CADM2: variants seen among roughly 807,000 people sequenced by gnomAD.
CADM2 encodes the protein immunoglobulin superfamily member 4D.
A neutral mutation model predicts 49.8 loss-of-function variants in CADM2; 12 were observed. The observed-to-expected ratio is 0.24, with a 90% CI of 0.15 to 0.39. CADM2 has a LOEUF of 0.39. Among genes scored for constraint, CADM2 ranks in the 10% least tolerant of loss-of-function variants. CADM2 has a pLI of 1.00. For synonymous variants in CADM2, 214 were observed against 175.4 expected, an observed-to-expected ratio of 1.22 and a Z score of -1.74; for missense variants, 378 against 492.3, an observed-to-expected ratio of 0.77 and a Z score of 2.20.
chr3:84,982,702 C>CAT (rs71104999), intron 1 of CADM2, among the ~76,000 whole-genome samples: 7,826 of 75,946 alleles, frequency 0.1, 579 homozygotes, highest in East Asian at 0.23. Context: ...AACTATAAAG[C>CAT]ATATATATAT....
chr3:85,973,561 A>G (rs1357316027), intron 8 of CADM2, among the ~76,000 whole-genome samples: 2 of 151,702 alleles, frequency 1.3e-5, no homozygotes, highest in Non-Finnish European at 2.9e-5. Flanking sequence ...TCAATTTCCA[A>G]TCCCAGATTT....
intron 8 of CADM2, chr3:86,014,059 T>C: frequency 1.5e-6 from 2 of 1,319,128 alleles, no homozygotes; most frequent in East Asian, 2.3e-5. Flanking sequence ...ATTTCTGTTC[T>C]TTTTCACAAC....
intron 5 of CADM2, among the ~76,000 whole-genome samples, chr3:85,898,573 CTT>C (rs199547014): frequency 7.8e-4 from 111 of 142,348 alleles, no homozygotes; most frequent in African/African-American, 2.5e-3. Flanking sequence ...ACATATCTTT[CTT>C]TTTTTTTTTT....
chr3:84,966,974 G>T (rs1380087549), intron 1 of CADM2, among the ~76,000 whole-genome samples: 1 of 151,810 alleles, frequency 6.6e-6, no homozygotes, highest in Non-Finnish European at 1.5e-5. Flanking sequence ...ATCAAATAGT[G>T]CAAATAATTT....
intron 1 of CADM2, among the ~76,000 whole-genome samples, chr3:85,622,324 T>G (rs1384152377): frequency 6.6e-6 from 1 of 152,180 alleles, no homozygotes; most frequent in East Asian, 1.9e-4. Flanking sequence ...CTTAAAATTC[T>G]AATCCTGTTT....
intron 3 of CADM2, among the ~76,000 whole-genome samples, chr3:85,819,455 G>A (rs2073416492): frequency 6.6e-6 from 1 of 152,118 alleles, no homozygotes; most frequent in African/African-American, 2.4e-5. Flanking sequence ...GAAATTTACT[G>A]GGCTTTGTGA....
chr3:85,279,968 T>C (rs1227953663), intron 1 of CADM2, among the ~76,000 whole-genome samples: 4 of 151,698 alleles, frequency 2.6e-5, no homozygotes, highest in Admixed American at 2.6e-4. Flanking sequence ...AAACATTTTT[T>C]CCTATTCTGT....
At chr3:85,899,323 T>G (rs560592497) in intron 5 of CADM2, among the ~76,000 whole-genome samples, 172 of 152,190 alleles carry the variant, frequency 1.1e-3, no homozygotes, top group Non-Finnish European at 1.7e-3. Flanking sequence ...TGTGAGAAAT[T>G]TTTATCTAAC....
intron 8 of CADM2, among the ~76,000 whole-genome samples, chr3:86,030,774 T>C (rs963633756): frequency 4.6e-5 from 7 of 151,890 alleles, no homozygotes; most frequent in African/African-American, 9.7e-5. Flanking sequence ...CATAAATGAA[T>C]TGATAAATAA....
intron 1 of CADM2, among the ~76,000 whole-genome samples, chr3:85,038,352 A>C (rs1348342480): frequency 6.6e-6 from 1 of 152,244 alleles, no homozygotes; most frequent in African/African-American, 2.4e-5. Context: ...AAGTTAGCTT[A>C]GTTCACATCC....
chr3:85,940,496 C>T lies in CADM2; in HGVS notation c.791+4639C>T, dbSNP rs762118578. On this transcript the variant is annotated intron_variant, in intron 7 of 9. Transcript: ENST00000383699. ...CTACGAATCAAAGAAAGCAAGTTAT[C>T]ATCTAGAGTGAAATATTGTTTACCA... Among the ~76,000 whole-genome samples the T allele has an allele frequency of 1.1e-4, 16 of 152,018 alleles. 1 individual carries two copies. Among genetic ancestry groups the T allele is most frequent in the Non-Finnish European group, 1.5e-5 (1 of 68,006 alleles).
At chr3:85,517,082 A>G (rs994637229) in intron 1 of CADM2, among the ~76,000 whole-genome samples, 2 of 151,940 alleles carry the variant, frequency 1.3e-5, no homozygotes, top group Admixed American at 1.3e-4. Flanking sequence ...TTTTAAGCTT[A>G]AAAGAATAAT....
intron 1 of CADM2, among the ~76,000 whole-genome samples, chr3:85,247,472 T>C (rs2042676833): frequency 6.6e-6 from 1 of 152,180 alleles, no homozygotes. Flanking sequence ...AGTTTGTTCT[T>C]ACATTCAACA....
intron 1 of CADM2, among the ~76,000 whole-genome samples, chr3:85,340,923 C>T (rs1018941970): frequency 2.6e-5 from 4 of 151,660 alleles, no homozygotes; most frequent in African/African-American, 9.7e-5. Flanking sequence ...TCTTCAAACA[C>T]TCCCTCTATC....
intron 1 of CADM2, among the ~76,000 whole-genome samples, chr3:84,993,014 C>T (rs958398728): frequency 6.6e-6 from 1 of 151,902 alleles, no homozygotes; most frequent in African/African-American, 2.4e-5. Flanking sequence ...TCAGTGACTC[C>T]AATAATTTTA....
chr3:85,697,559 T>C (rs1454221846), intron 1 of CADM2, among the ~76,000 whole-genome samples: 1 of 152,200 alleles, frequency 6.6e-6, no homozygotes, highest in African/African-American at 2.4e-5. Context: ...TTTGTTGTAC[T>C]TCTTAAATGT....
At chr3:84,965,812 A>C (rs1278901928) in intron 1 of CADM2, among the ~76,000 whole-genome samples, 1 of 152,144 alleles carries the variant, frequency 6.6e-6, no homozygotes, top group Non-Finnish European at 1.5e-5. Flanking sequence ...ACAAAATAGG[A>C]GTTAACTGTT....
At chr3:85,678,516 T>C (rs2065947089) in intron 1 of CADM2, among the ~76,000 whole-genome samples, 1 of 152,172 alleles carries the variant, frequency 6.6e-6, no homozygotes, top group South Asian at 2.1e-4. Flanking sequence ...CTACATACGA[T>C]GTCAGATTGA....
intron 1 of CADM2, among the ~76,000 whole-genome samples, chr3:85,639,642 C>A (rs1376710429): frequency 1.3e-5 from 2 of 152,052 alleles, no homozygotes; most frequent in African/African-American, 4.8e-5. Context: ...TTAAAAGGCA[C>A]ATATTTTATG....
Sources: allele counts gnomAD v4.1 joint callset (sites outside exome capture counted in the v4.1 genomes callset), GRCh38; gene constraint gnomAD v4.1.1; transcripts MANE v1.5; gene names NCBI Gene and HGNC (gene_info 2026-07-23, HGNC 2026-07-21).